SYNE1: variants seen among roughly 807,000 people sequenced by gnomAD.
The protein encoded by SYNE1 is spectrin repeat containing nuclear envelope protein 1, also known as nesprin-1.
A neutral mutation model predicts 1,111.0 loss-of-function variants in SYNE1; 616 were observed. That is an observed-to-expected ratio of 0.55 (90% CI 0.52 to 0.59). The LOEUF is 0.59. Ranked by LOEUF, SYNE1 falls within the 20% of genes least tolerant of loss-of-function variation. The pLI, the probability that SYNE1 is intolerant of heterozygous loss-of-function variation, is 0.00. For synonymous variants in SYNE1, 3,855 were observed against 3,825.8 expected (o/e 1.01, Z -0.28); for missense variants, 10,006 against 10,417.0 (o/e 0.96, Z 1.72).
chr6:152,632,714 A>G (rs2099699948), intron 2 of SYNE1, among the ~76,000 whole-genome samples: 1 of 152,200 alleles, frequency 6.6e-6, no homozygotes, highest in Non-Finnish European at 1.5e-5. Flanking sequence ...AGCTTTTCTG[A>G]GCCCTTCTTT....
intron 107 of SYNE1, among the ~76,000 whole-genome samples, chr6:152,241,241 A>C (rs1009460261): frequency 1.3e-5 from 2 of 152,202 alleles, no homozygotes; most frequent in Non-Finnish European, 2.9e-5. Flanking sequence ...AATGTTTTCA[A>C]AGCCAAATGA....
intron 2 of SYNE1, among the ~76,000 whole-genome samples, chr6:152,629,008 A>G (rs752232818): frequency 5.3e-5 from 8 of 152,174 alleles, no homozygotes; most frequent in Non-Finnish European, 1.0e-4. Flanking sequence ...TCTCATACCA[A>G]TTTGATGAAT....
chr6:152,427,525 A>T, intron 38 of SYNE1, 168 bp downstream of exon 38: 1 of 748,742 alleles, frequency 1.3e-6, no homozygotes, highest in Non-Finnish European at 2.2e-6. Flanking sequence ...CTTTCAGGTC[A>T]TGGTTGCTTT....
chr6:152,409,358 A>G (rs1028459241), intron 43 of SYNE1, 132 bp from the exon 44 acceptor site: 30 of 1,030,826 alleles, frequency 2.9e-5, no homozygotes, highest in Admixed American at 1.4e-4. Flanking sequence ...TTAATTAACT[A>G]TATGAATATA....
At chr6:152,578,995 T>C (rs2099510460) in intron 3 of SYNE1, among the ~76,000 whole-genome samples, 1 of 152,206 alleles carries the variant, frequency 6.6e-6, no homozygotes, top group African/African-American at 2.4e-5. Context: ...GAAATGCAAA[T>C]CTATAGTAAA....
chr6:152,215,143 T>C, intron 121 of SYNE1, 83 bp from the exon 122 acceptor site: 1 of 1,505,260 alleles, frequency 6.6e-7, no homozygotes. Flanking sequence ...AATTTCTGAT[T>C]TCAGGAAGTA....
chr6:152,334,238 G>A lies in SYNE1; in HGVS notation c.12564C>T (p.Ser4188=), dbSNP rs141202420. 4.5e-4 allele frequency: 727 copies of A among 1,613,846 alleles called. 2 individuals are homozygous for A. The Middle Eastern group carries it at 9.7e-3, about 22-fold the overall frequency. Residue 4188 remains serine (S), a synonymous_variant, in exon 77 of 146, where the codon TCC becomes TCT. Coordinates refer to ENST00000367255, the MANE Select transcript of SYNE1 (RefSeq NM_182961.4). ...FVKKLQSKQA[S]VNTIIEKVNK... is the part of the protein sequence containing the mutation. Reference sequence around the variant, plus strand: ...TCACCTTTTCTATTATGGTGTTCACGGATGCCTGTTTGCTCTGTAGTTTCT... The same window carrying A: ...TCACCTTTTCTATTATGGTGTTCACAGATGCCTGTTTGCTCTGTAGTTTCT...
At position 152,435,959 on chromosome 6, in the gene SYNE1, T is replaced by C. The variant is rs779044367; in HGVS notation, c.4292A>G (p.Glu1431Gly). ...CACATACTCTTCTTCAAGCGTGTCT[T>C]CTAATTTTTTGACTTGTTCTTTGAT... ...KSIKEQVKKLEDTLEEDIKTM... is the reference protein window; with the variant it reads ...KSIKEQVKKLGDTLEEDIKTM... Residue 1431 changes from glutamate (E) to glycine (G), a missense_variant, in exon 33 of 146, where the codon GAA becomes GGA. Glu to Gly is a moderately conservative substitution (Grantham distance 98, BLOSUM62 -2). Coordinates refer to ENST00000367255, the MANE Select transcript of SYNE1 (RefSeq NM_182961.4). The C allele has an allele frequency of 6.2e-7, 1 of 1,614,148 alleles. No homozygotes were observed. Among genetic ancestry groups the C allele is most frequent in the Non-Finnish European group, 8.5e-7 (1 of 1,180,022 alleles).
intron 130 of SYNE1, among the ~76,000 whole-genome samples, chr6:152,168,822 A>G (rs1412754079): frequency 1.3e-5 from 2 of 152,208 alleles, no homozygotes; most frequent in African/African-American, 4.8e-5. Context: ...ATTCTCCCTT[A>G]CATATGCAAA....
At chr6:152,178,056 T>A (rs919085847) in intron 129 of SYNE1, among the ~76,000 whole-genome samples, 2 of 152,060 alleles carry the variant, frequency 1.3e-5, no homozygotes, top group African/African-American at 2.4e-5. Context: ...AAAAAACCCA[T>A]GAGTTATTAA....
At chr6:152,215,121 A>G in intron 121 of SYNE1, 61 bp from the exon 122 acceptor site, 8 of 1,586,684 alleles carry the variant, frequency 5.0e-6, no homozygotes, top group Non-Finnish European at 6.9e-6. Context: ...AACTTTTTCA[A>G]AGTGCGCAGT....
chr6:152,204,865 G>A (rs1395435252), intron 126 of SYNE1, among the ~76,000 whole-genome samples: 2 of 151,904 alleles, frequency 1.3e-5, no homozygotes, highest in African/African-American at 4.8e-5. Flanking sequence ...ATTAAGTCTT[G>A]GAAACATCTC....
intron 137 of SYNE1, chr6:152,145,560 A>G: frequency 6.2e-7 from 1 of 1,611,768 alleles, no homozygotes; most frequent in Non-Finnish European, 8.5e-7. Context: ...TTACATCTGC[A>G]AAAAAAGCAC....
At chr6:152,443,694 ATAT>A (rs1441186204) in intron 30 of SYNE1, among the ~76,000 whole-genome samples, 1 of 152,108 alleles carries the variant, frequency 6.6e-6, no homozygotes, top group African/African-American at 2.4e-5. Flanking sequence ...ACACACAAAC[ATAT>A]TATATAAATT....
chr6:152,137,630 G>A (rs1271289207), intron 140 of SYNE1, among the ~76,000 whole-genome samples: 1 of 152,170 alleles, frequency 6.6e-6, no homozygotes, highest in Non-Finnish European at 1.5e-5. Context: ...TCTAGGTACT[G>A]TTTAAAATCC....
chr6:152,380,325 A>T (rs942298890), intron 56 of SYNE1, among the ~76,000 whole-genome samples: 4 of 152,202 alleles, frequency 2.6e-5, no homozygotes, highest in African/African-American at 9.6e-5. Context: ...AATATTGAAA[A>T]GGCTTTCAAA....
At chr6:152,562,403 TG>T (rs1668889573) in intron 3 of SYNE1, among the ~76,000 whole-genome samples, 1 of 152,124 alleles carries the variant, frequency 6.6e-6, no homozygotes, top group African/African-American at 2.4e-5. Flanking sequence ...TAACAAGTGT[TG>T]GTGAGGATGT....
At chr6:152,464,798 C>G (rs1457931218) in intron 18 of SYNE1, 1 of 240,050 alleles carries the variant, frequency 4.2e-6, no homozygotes, top group Middle Eastern at 1.6e-3. Flanking sequence ...TCACTCCTAC[C>G]CAGAATGAGA....
intron 3 of SYNE1, among the ~76,000 whole-genome samples, chr6:152,604,982 AAGAAAGAAAGAAAGAAAGAAAGAAAG>A (rs1201146627): frequency 0.026 from 667 of 25,952 alleles, 19 homozygotes; most frequent in South Asian, 0.038. Flanking sequence ...GAAAGAAAGA[AAGAAAGAAAGAAAGAAAGAAAGAAAG>A]AGAGAGAGAG....
Sources: gnomAD v4.1 joint callset for allele counts (sites outside exome capture counted in the v4.1 genomes callset) on GRCh38, gnomAD v4.1.1 for gene constraint, MANE v1.5 for transcripts, NCBI Gene and HGNC (gene_info 2026-07-23, HGNC 2026-07-21) for gene names.